Variants in SORBS2 observed in about 807,000 individuals in gnomAD.
SORBS2 encodes the protein sorbin and SH3 domain-containing protein 2.
SORBS2 carries 46 observed loss-of-function variants against 97.7 expected under a neutral mutation model. That is an observed-to-expected ratio of 0.47 (90% confidence interval 0.37 to 0.60). SORBS2 has a LOEUF of 0.60. SORBS2 is among the 20% of genes least tolerant of loss of function. The pLI is 0.00. For synonymous variants in SORBS2, 476 were observed against 473.4 expected, an observed-to-expected ratio of 1.01 and a Z score of -0.07; for missense variants, 1,316 against 1,282.3, an observed-to-expected ratio of 1.03 and a Z score of -0.40.
chr4:185,657,406 C>T (rs183661724), upstream of SORBS2: 2 of 1,522,532 alleles, frequency 1.3e-6, no homozygotes. Context: ...GACAGACGCA[C>T]ACGCTGGCAT....
intron 2 of SORBS2, among the ~76,000 whole-genome samples, chr4:185,687,648 CT>C (rs1418716554): frequency 1.3e-5 from 2 of 152,124 alleles, no homozygotes; most frequent in African/African-American, 4.8e-5. Flanking sequence ...TTAAAGGTCA[CT>C]GTAAAACAAG....
intron 1 of SORBS2, among the ~76,000 whole-genome samples, chr4:185,801,961 A>C (rs1244126241): frequency 6.6e-6 from 1 of 152,202 alleles, no homozygotes; most frequent in East Asian, 1.9e-4. Context: ...GGTGCCAAAT[A>C]CATGTGAGTG....
At chr4:185,619,033 G>A (rs1230471318) in intron 8 of SORBS2, among the ~76,000 whole-genome samples, 1 of 152,172 alleles carries the variant, frequency 6.6e-6, no homozygotes, top group African/African-American at 2.4e-5. Context: ...AGGACCAGAT[G>A]TCATAAAAGA....
At chr4:185,899,223 A>G (rs145540318) in intron 1 of SORBS2, among the ~76,000 whole-genome samples, 1 of 152,148 alleles carries the variant, frequency 6.6e-6, no homozygotes, top group Non-Finnish European at 1.5e-5. Context: ...TCTAGATAAC[A>G]GCATTTGGGA....
At chr4:185,600,446 C>A (rs574829590) in intron 12 of SORBS2, among the ~76,000 whole-genome samples, 276 of 152,326 alleles carry the variant, frequency 1.8e-3, no homozygotes, top group African/African-American at 6.4e-3. Context: ...TCGAGCGATT[C>A]TCTTGTCTCA....
chr4:185,837,888 G>T (rs1353857353), intron 1 of SORBS2, among the ~76,000 whole-genome samples: 1 of 150,404 alleles, frequency 6.6e-6, no homozygotes, highest in Non-Finnish European at 1.5e-5. Flanking sequence ...AAAAGATTCT[G>T]GATTCTTTTG....
At chr4:185,631,789 A>C (rs1046577213) in intron 4 of SORBS2, among the ~76,000 whole-genome samples, 47 of 137,592 alleles carry the variant, frequency 3.4e-4, no homozygotes, top group South Asian at 1.0e-3. Flanking sequence ...AAAACAACAA[A>C]AAAACAAAAC....
intron 12 of SORBS2, 141 bp downstream of exon 24, chr4:185,611,639 C>T (rs1337967332): frequency 1.6e-6 from 1 of 608,008 alleles, no homozygotes; most frequent in African/African-American, 1.8e-5. Flanking sequence ...TGATGTGGCA[C>T]TCACACATGT....
At chr4:185,896,833 A>G (rs977663245) in intron 1 of SORBS2, among the ~76,000 whole-genome samples, 14 of 151,224 alleles carry the variant, frequency 9.3e-5, no homozygotes, top group Middle Eastern at 6.8e-3. Context: ...GTTGCCCTCA[A>G]GTTTCCCAGT....
intron 2 of SORBS2, among the ~76,000 whole-genome samples, chr4:185,687,185 G>A (rs377247457): frequency 5.9e-5 from 9 of 152,120 alleles, no homozygotes; most frequent in African/African-American, 1.9e-4. Flanking sequence ...ATGCCACCAC[G>A]CCCAGCTAAT....
In SORBS2 at chr4:185,628,274, G is replaced by A. The variant is rs572708554; in HGVS notation, c.447-1255C>T. ...ATCTTGTATCTTTTCTCTATAAAGC[G>A]GAGTTCTAACAACATGAATATATCC... is the stretch of plus-strand genomic sequence containing the variant. On this transcript the variant is annotated intron_variant, in intron 5 of 14. Coordinates refer to ENST00000418609, the Ensembl canonical transcript of SORBS2. Among the ~76,000 whole-genome samples, 9 of 150,874 alleles carry A rather than the reference G, an allele frequency of 6.0e-5. 1 individual carries two copies. Among genetic ancestry groups the A allele is most frequent in the East Asian group, 3.9e-4 (2 of 5,142 alleles).
intron 4 of SORBS2, among the ~76,000 whole-genome samples, chr4:185,639,868 A>G (rs2097097434): frequency 6.6e-6 from 1 of 152,192 alleles, no homozygotes; most frequent in Admixed American, 6.5e-5. Context: ...AGGGACTTAA[A>G]CTGAATAGCG....
At position 185,600,180 on chromosome 4, in the gene SORBS2, G is replaced by T. The variant is rs572562367; in HGVS notation, c.2797-6245C>A. 1.6e-3 allele frequency among the ~76,000 whole-genome samples: 246 copies of T among 152,294 alleles called. 1 individual carries two copies. The highest frequency in any genetic ancestry group is 3.2e-3 in the Non-Finnish European group (219 of 68,032). On this transcript the variant is annotated intron_variant, in intron 12 of 14. Coordinates refer to ENST00000418609, the Ensembl canonical transcript of SORBS2. ...AAACTCCTGCACAACAGCAGGGCAGGGAGGGTCCACAGCTTCTCCAGCTGC... is the reference window on the plus strand; with the variant it reads ...AAACTCCTGCACAACAGCAGGGCAGTGAGGGTCCACAGCTTCTCCAGCTGC...
At chr4:185,872,323 T>C (rs2099230845) in intron 1 of SORBS2, among the ~76,000 whole-genome samples, 1 of 151,930 alleles carries the variant, frequency 6.6e-6, no homozygotes, top group Admixed American at 6.6e-5. Flanking sequence ...CTAATCTGGG[T>C]CATTCCTCTT....
intron 4 of SORBS2, among the ~76,000 whole-genome samples, chr4:185,663,232 TAAAG>T (rs1276418996): frequency 6.6e-6 from 1 of 152,180 alleles, no homozygotes; most frequent in Non-Finnish European, 1.5e-5. Context: ...GGCACACAGA[TAAAG>T]AAGCATAATT....
intron 2 of SORBS2, among the ~76,000 whole-genome samples, chr4:185,769,271 C>T (rs1378343476): frequency 1.3e-5 from 2 of 152,068 alleles, no homozygotes; most frequent in Non-Finnish European, 2.9e-5. Flanking sequence ...ATCCAAATAG[C>T]CTGAAGGTAA....
intron 2 of SORBS2, among the ~76,000 whole-genome samples, chr4:185,707,124 T>C (rs527686596): frequency 6.6e-6 from 1 of 152,334 alleles, no homozygotes; most frequent in South Asian, 2.1e-4. Context: ...TACATATGTG[T>C]TACATATATA....
intron 2 of SORBS2, among the ~76,000 whole-genome samples, chr4:185,742,265 A>G (rs2098732081): frequency 6.6e-6 from 1 of 152,234 alleles, no homozygotes. Flanking sequence ...AAAACAAAGC[A>G]AAAACCACAG....
At chr4:185,587,815 A>C in intron 14 of SORBS2, 127 bp from the exon 27 acceptor site, 2 of 723,588 alleles carry the variant, frequency 2.8e-6, no homozygotes, top group South Asian at 1.6e-5. Flanking sequence ...AAAAGAAGGC[A>C]GGCAACTCAC....
Sources: gnomAD v4.1 joint callset for allele counts (sites outside exome capture counted in the v4.1 genomes callset) on GRCh38, gnomAD v4.1.1 for gene constraint, MANE v1.5 for transcripts, NCBI Gene and HGNC (gene_info 2026-07-23, HGNC 2026-07-21) for gene names.